The following PKNOX2 variants were observed in gnomAD, a reference collection of about 807,000 sequenced individuals.
PKNOX2 encodes PBX/knotted 1 homeobox 2, also known as homeobox protein PKNOX2.
In PKNOX2, 14 loss-of-function variants were observed where a neutral mutation model predicts 53.1. The observed-to-expected ratio is 0.26, with a 90% CI of 0.17 to 0.41. The LOEUF (loss-of-function observed/expected upper bound fraction) is 0.41, where lower values mean the gene tolerates loss of function less well. Among genes scored for constraint, PKNOX2 ranks in the 10% least tolerant of loss-of-function variants. The probability of loss-of-function intolerance (pLI) is 1.00; values close to 1 mark genes in which losing one functional copy is unlikely to be tolerated. For synonymous variants in PKNOX2, 257 were observed against 242.8 expected, an observed-to-expected ratio of 1.06 and a Z score of -0.54; for missense variants, 496 against 602.8, an observed-to-expected ratio of 0.82 and a Z score of 1.85.
At chr11:125,182,484 A>T (rs1956210965) in intron 1 of PKNOX2, among the ~76,000 whole-genome samples, 1 of 152,192 alleles carries the variant, frequency 6.6e-6, no homozygotes, top group Non-Finnish European at 1.5e-5. Context: ...AAATGTCTTA[A>T]CTTGAGCCTC....
intron 1 of PKNOX2, among the ~76,000 whole-genome samples, chr11:125,179,328 G>T (rs189580821): frequency 6.6e-6 from 1 of 152,088 alleles, no homozygotes; most frequent in African/African-American, 2.4e-5. Flanking sequence ...AATGACATAC[G>T]AGCTTTGAGG....
intron 7 of PKNOX2, among the ~76,000 whole-genome samples, chr11:125,408,352 C>T (rs1955243191): frequency 1.3e-5 from 2 of 152,236 alleles, no homozygotes; most frequent in African/African-American, 2.4e-5. Context: ...GGCTAGGCGG[C>T]TCCCACGGGG....
intron 2 of PKNOX2, among the ~76,000 whole-genome samples, chr11:125,304,215 C>A (rs1367207581): frequency 6.6e-6 from 1 of 152,248 alleles, no homozygotes; most frequent in Non-Finnish European, 1.5e-5. Flanking sequence ...TCCTAAACTG[C>A]AGCCCCAGCC....
At chr11:125,179,562 T>C (rs982811414) in intron 1 of PKNOX2, among the ~76,000 whole-genome samples, 3 of 152,148 alleles carry the variant, frequency 2.0e-5, no homozygotes, top group African/African-American at 7.2e-5. Context: ...GACAGGCAGC[T>C]GGGGTGCTGG....
intron 2 of PKNOX2, among the ~76,000 whole-genome samples, chr11:125,284,023 C>T (rs1418780594): frequency 6.6e-6 from 1 of 152,204 alleles, no homozygotes; most frequent in East Asian, 1.9e-4. Context: ...GTGCCACTCA[C>T]AAGCTATAGG....
chr11:125,257,717 T>G (rs1471873611), intron 2 of PKNOX2, among the ~76,000 whole-genome samples: 1 of 152,138 alleles, frequency 6.6e-6, no homozygotes, highest in Admixed American at 6.5e-5. Flanking sequence ...GAAGGGTAGG[T>G]AAATTTAGGT....
intron 1 of PKNOX2, 68 bp downstream of exon 1, chr11:125,164,844 G>C: frequency 5.6e-6 from 1 of 179,060 alleles, no homozygotes; most frequent in Non-Finnish European, 1.1e-5. Context: ...GGCGGCGGCT[G>C]CTGCTGCGGG....
chr11:125,302,705 G>A (rs1591519515), intron 2 of PKNOX2, among the ~76,000 whole-genome samples: 1 of 152,206 alleles, frequency 6.6e-6, no homozygotes, highest in East Asian at 1.9e-4. Flanking sequence ...GGAAAGCAGA[G>A]AGCAGGCCCT....
intron 2 of PKNOX2, among the ~76,000 whole-genome samples, chr11:125,318,309 C>T (rs1197696671): frequency 1.4e-5 from 2 of 144,034 alleles, no homozygotes; most frequent in African/African-American, 2.6e-5. Context: ...TTAGTAGAGA[C>T]GAGGTTTTAC....
At chr11:125,295,302 A>G (rs568319455) in intron 2 of PKNOX2, among the ~76,000 whole-genome samples, 3 of 152,364 alleles carry the variant, frequency 2.0e-5, no homozygotes, top group African/African-American at 7.2e-5. Flanking sequence ...TGACAGCTGG[A>G]CGTCCAAAGA....
intron 5 of PKNOX2, 117 bp downstream of exon 5, chr11:125,368,102 A>G (rs1413277517): frequency 1.5e-6 from 2 of 1,304,502 alleles, no homozygotes; most frequent in Admixed American, 6.0e-5. Flanking sequence ...GCCAATAGCT[A>G]TTCTCCCTTG....
At chr11:125,254,344 C>T (rs753426589) in intron 2 of PKNOX2, among the ~76,000 whole-genome samples, 1 of 152,240 alleles carries the variant, frequency 6.6e-6, no homozygotes, top group South Asian at 2.1e-4. Context: ...ACCCAGCCCA[C>T]CTCCCTGCCA....
chr11:125,332,511 T>A (rs945563899), intron 3 of PKNOX2: 1 of 152,164 alleles, frequency 6.6e-6, no homozygotes. Flanking sequence ...CTGATAGGGT[T>A]TTTTAAATCC....
Position 125,332,296 on chromosome 11 carries a change from T to TG in PKNOX2, c.-23+377dup, listed in dbSNP as rs963246395. ...ATGACCTGGTGGTGGCGGGGTGGGG[T>TG]GGGGGGTTCCTTAAAAATGCAGTTC... On this transcript the variant is annotated intron_variant, in intron 3 of 12. Coordinates refer to ENST00000298282, the MANE Select transcript of PKNOX2 (RefSeq NM_001382323.2). 5.5e-5 allele frequency among the ~76,000 whole-genome samples: 8 copies of TG among 144,630 alleles called. No homozygotes were observed. In the East Asian group the frequency reaches 1.1e-3, roughly 21 times the overall value. 94.9% of individuals were successfully genotyped at this position (144,630 alleles called of 152,430 possible). A position where few individuals can be genotyped will look rare whatever the true frequency, so the allele number is the denominator to read the frequency against.
intron 1 of PKNOX2, among the ~76,000 whole-genome samples, chr11:125,193,140 T>C (rs1239802389): frequency 6.6e-6 from 1 of 152,220 alleles, no homozygotes; most frequent in Non-Finnish European, 1.5e-5. Context: ...TTTATAAAGC[T>C]CTTAAATTGG....
intron 5 of PKNOX2, among the ~76,000 whole-genome samples, chr11:125,371,096 T>C (rs548291774): frequency 6.6e-6 from 1 of 152,176 alleles, no homozygotes; most frequent in Non-Finnish European, 1.5e-5. Context: ...ATGTGGAAAC[T>C]GTGGGGTGGG....
intron 6 of PKNOX2, among the ~76,000 whole-genome samples, chr11:125,393,865 A>C (rs534713621): frequency 5.3e-4 from 75 of 142,020 alleles, no homozygotes; most frequent in Non-Finnish European, 9.8e-4. Flanking sequence ...CACCCTTTAT[A>C]CTACCACTTC....
intron 1 of PKNOX2, among the ~76,000 whole-genome samples, chr11:125,219,882 A>C (rs193160775): frequency 6.6e-6 from 1 of 152,330 alleles, no homozygotes; most frequent in Admixed American, 6.5e-5. Flanking sequence ...TGACCCAGCA[A>C]TTTCATGTTG....
intron 3 of PKNOX2, among the ~76,000 whole-genome samples, chr11:125,334,560 G>A (rs965989367): frequency 3.3e-5 from 5 of 151,430 alleles, no homozygotes; most frequent in African/African-American, 1.2e-4. Context: ...TGTGAGATTT[G>A]GGGCAAGTTA....
Sources: allele counts gnomAD v4.1 joint callset (sites outside exome capture counted in the v4.1 genomes callset), GRCh38; gene constraint gnomAD v4.1.1; transcripts MANE v1.5; gene names NCBI Gene and HGNC (gene_info 2026-07-23, HGNC 2026-07-21).